DKK2: variants seen among roughly 807,000 people sequenced by gnomAD.
DKK2 encodes the protein dickkopf-related protein 2.
A neutral mutation model predicts 28.1 loss-of-function variants in DKK2; 11 were observed. The observed-to-expected ratio is 0.39, with a 90% confidence interval of 0.25 to 0.65. The LOEUF is 0.65. DKK2 is among the 30% of genes least tolerant of loss of function. The pLI is 0.47. For missense variants in DKK2, 326 were observed against 335.5 expected (o/e 0.97, Z 0.22); for synonymous variants, 135 against 126.5 (o/e 1.07, Z -0.45).
intron 1 of DKK2, among the ~76,000 whole-genome samples, chr4:107,006,428 T>C (rs1234502352): frequency 6.6e-6 from 1 of 152,164 alleles, no homozygotes; most frequent in Admixed American, 6.5e-5. Context: ...ATCCTCTTTC[T>C]GCACTTAGCA....
At chr4:107,031,193 G>A (rs924951269) in intron 1 of DKK2, among the ~76,000 whole-genome samples, 3 of 151,834 alleles carry the variant, frequency 2.0e-5, no homozygotes, top group Non-Finnish European at 2.9e-5. Context: ...AAATTTAATC[G>A]TAAAAATGAT....
intron 1 of DKK2, among the ~76,000 whole-genome samples, chr4:107,021,611 T>C (rs977625246): frequency 2.0e-5 from 3 of 151,666 alleles, no homozygotes; most frequent in African/African-American, 7.3e-5. Flanking sequence ...TTACCGCCGA[T>C]TCCTACACTC....
intron 1 of DKK2, among the ~76,000 whole-genome samples, chr4:106,992,307 C>T (rs1723216679): frequency 6.6e-6 from 1 of 152,170 alleles, no homozygotes; most frequent in Non-Finnish European, 1.5e-5. Flanking sequence ...TGTTTCTGCA[C>T]TGGCCAACAA....
rs1723948747 is a variant in DKK2 at position 107,035,459 on chromosome 4, C to G, written c.133G>C (p.Glu45Gln). The change falls in exon 1 of 4, where the codon GAG becomes CAG. Residue 45 changes from glutamate to glutamine, a missense_variant. Glu to Gln is a conservative substitution (Grantham distance 29, BLOSUM62 2). Transcript: ENST00000285311. ...CGATTGGCGGCCTGACCAGGCGTCT[C>G]CCCGCCCAGAGAGGACTTGATGGAG... ...LNSIKSSLGG[E>Q]TPGQAANRSA... 2 of 1,614,080 alleles carry G rather than the reference C, an allele frequency of 1.2e-6. No homozygotes were observed. The highest frequency in any genetic ancestry group is 2.7e-5 in the African/African-American group (2 of 74,932).
At chr4:106,973,191 A>C (rs894204998) in intron 1 of DKK2, among the ~76,000 whole-genome samples, 3 of 152,318 alleles carry the variant, frequency 2.0e-5, no homozygotes, top group African/African-American at 7.2e-5. Flanking sequence ...ATAGTGCTGC[A>C]ATAAATCAAG....
At chr4:107,003,862 C>T (rs376011826) in intron 1 of DKK2, among the ~76,000 whole-genome samples, 74 of 152,272 alleles carry the variant, frequency 4.9e-4, no homozygotes, top group African/African-American at 1.1e-3. Flanking sequence ...GTAATTTATA[C>T]GCACTTTTGA....
chr4:106,924,826 C>T (rs539665202), intron 2 of DKK2, 126 bp from the exon 3 acceptor site: 1 of 903,996 alleles, frequency 1.1e-6, no homozygotes. Flanking sequence ...TCTATCCACC[C>T]ATCCATTCAT....
At chr4:107,013,346 A>C (rs1723541410) in intron 1 of DKK2, among the ~76,000 whole-genome samples, 1 of 151,712 alleles carries the variant, frequency 6.6e-6, no homozygotes. Context: ...AAACAGACAC[A>C]TAAACCAATG....
At chr4:106,988,281 GCT>G (rs1378901171) in intron 1 of DKK2, among the ~76,000 whole-genome samples, 1 of 152,084 alleles carries the variant, frequency 6.6e-6, no homozygotes, top group Non-Finnish European at 1.5e-5. Context: ...CTGATTCCAA[GCT>G]CTGTTTTTAA....
chr4:106,966,652 T>C (rs1722785069), intron 1 of DKK2, among the ~76,000 whole-genome samples: 1 of 152,184 alleles, frequency 6.6e-6, no homozygotes, highest in Non-Finnish European at 1.5e-5. Flanking sequence ...AGGCTGCCTC[T>C]GAACTAACAG....
intron 1 of DKK2, among the ~76,000 whole-genome samples, chr4:106,985,823 A>G (rs1261420337): frequency 6.6e-6 from 1 of 151,754 alleles, no homozygotes. Context: ...CTCAAAAAAA[A>G]AAAAAAGAAA....
chr4:106,965,781 T>G (rs1487374581), intron 1 of DKK2, among the ~76,000 whole-genome samples: 1 of 130,328 alleles, frequency 7.7e-6, no homozygotes, highest in African/African-American at 2.9e-5. Flanking sequence ...GAGTGTAATA[T>G]TCCCCTTCCT....
intron 1 of DKK2, among the ~76,000 whole-genome samples, chr4:106,978,333 C>G (rs952080428): frequency 6.6e-6 from 1 of 152,188 alleles, no homozygotes; most frequent in Non-Finnish European, 1.5e-5. Flanking sequence ...GCGGAAGCTG[C>G]GCCCACAGCC....
At chr4:106,950,533 A>G (rs1724843696) in intron 1 of DKK2, among the ~76,000 whole-genome samples, 2 of 151,926 alleles carry the variant, frequency 1.3e-5, no homozygotes, top group African/African-American at 4.8e-5. Context: ...CTCAGCGTGA[A>G]CACCCAAGCC....
chr4:106,938,980 C>G (rs1479118355), intron 1 of DKK2, among the ~76,000 whole-genome samples: 2 of 151,698 alleles, frequency 1.3e-5, no homozygotes, highest in East Asian at 3.9e-4. Flanking sequence ...TAAGAGCTAT[C>G]TATGACAAAC....
In DKK2 at chr4:107,035,552, G is replaced by A. The variant is rs1472754287; in HGVS notation, c.40C>T (p.Leu14=). The A allele has an allele frequency of 1.2e-6, 2 of 1,614,196 alleles. No homozygotes were observed. Among genetic ancestry groups the A allele is most frequent in the African/African-American group, 1.3e-5 (1 of 75,054 alleles). ...LMRSKDSSCC[L]LLLAAVLMVE... ...ATCAGCACCGCGGCCAGTAGGAGCA[G>A]GCAGCAGGACGAATCCTTGCTCCGC... The change falls in exon 1 of 4, where the codon CTG becomes TTG. Residue 14 remains leucine, a synonymous_variant. Coordinates refer to ENST00000285311, the MANE Select transcript of DKK2 (RefSeq NM_014421.3).
chr4:106,950,043 G>A (rs982210855), intron 1 of DKK2, among the ~76,000 whole-genome samples: 2 of 152,132 alleles, frequency 1.3e-5, no homozygotes, highest in East Asian at 1.9e-4. Flanking sequence ...AACATGTCTT[G>A]CATTGTACAA....
At chr4:106,958,211 A>ATAAT (rs1722629176) in intron 1 of DKK2, among the ~76,000 whole-genome samples, 1 of 151,456 alleles carries the variant, frequency 6.6e-6, no homozygotes, top group African/African-American at 2.4e-5. Context: ...AGCATTATTA[A>ATAAT]TAATAAAAAA....
chr4:107,035,531 G>T lies in DKK2; in HGVS notation c.61C>A (p.Leu21Met). The T allele has an allele frequency of 1.2e-6, 2 of 1,614,200 alleles. No individual in the cohort carries two copies. The highest frequency in any genetic ancestry group is 1.7e-6 in the Non-Finnish European group (2 of 1,180,046). The change falls in exon 1 of 4, where the codon CTG becomes ATG. Residue 21 changes from leucine to methionine, a missense_variant. Transcript: ENST00000285311. ...CCGATCTGTGAGCTCTCCACCATCA[G>T]CACCGCGGCCAGTAGGAGCAGGCAG... is the stretch of plus-strand genomic sequence containing the variant. ...SCCLLLLAAVLMVESSQIGSS... is the reference protein window; with the variant it reads ...SCCLLLLAAVMMVESSQIGSS...
Sources: allele counts gnomAD v4.1 joint callset (sites outside exome capture counted in the v4.1 genomes callset), GRCh38; gene constraint gnomAD v4.1.1; transcripts MANE v1.5; gene names NCBI Gene and HGNC (gene_info 2026-07-23, HGNC 2026-07-21).